LRRCC1: variants seen among roughly 807,000 people sequenced by gnomAD.
LRRCC1 encodes leucine rich repeat and coiled-coil centrosomal protein 1, also known as leucine-rich repeat and coiled-coil domain-containing protein 1.
LRRCC1 carries 115 observed loss-of-function variants against 126.0 expected under a neutral mutation model. The observed-to-expected ratio is 0.91, with a 90% CI of 0.78 to 1.07. The LOEUF (loss-of-function observed/expected upper bound fraction) is 1.07, where lower values mean the gene tolerates loss of function less well. Ranked by LOEUF, LRRCC1 falls within the 50% of genes least tolerant of loss-of-function variation. The probability of loss-of-function intolerance (pLI) is 0.00; values close to 1 mark genes in which losing one functional copy is unlikely to be tolerated. For missense variants in LRRCC1, 1,172 were observed against 1,175.7 expected (o/e 1.00, Z 0.05); for synonymous variants, 400 against 393.4 (o/e 1.02, Z -0.20).
In LRRCC1 at chr8:85,140,612, C is replaced by T. The variant is rs182939576; in HGVS notation, c.2841-770C>T. ...TTTTAGTATGAAAATTTTGTGAATACCATTTAATGTGTTTCGTCCACTAAG... is the reference window on the plus strand; with the variant it reads ...TTTTAGTATGAAAATTTTGTGAATATCATTTAATGTGTTTCGTCCACTAAG... On this transcript the variant is annotated intron_variant, in intron 17 of 18. Transcript: ENST00000360375. 7.9e-5 allele frequency among the ~76,000 whole-genome samples: 12 copies of T among 152,178 alleles called. No individual in the cohort carries two copies. The East Asian group carries it at 2.1e-3, about 27-fold the overall frequency.
rs901332802 is a variant in LRRCC1 at position 85,137,750 on chromosome 8, T to A, written c.2493+123T>A. On this transcript the variant is annotated intron_variant, in intron 15 of 18. Transcript: ENST00000360375. ...GTTGTAAAATTTGGGGTAGATATCA[T>A]GCATTTCTTTTTATAATATTTGCCC... The A allele has an allele frequency of 6.0e-6, 4 of 663,862 alleles. No individual in the cohort carries two copies. The African/African-American group carries it at 7.5e-5, about 12-fold the overall frequency. The allele number at this position is 663,862 out of a possible 1,614,324, so 41.1% of individuals were successfully genotyped here. A position where few individuals can be genotyped will look rare whatever the true frequency, so the allele number is the denominator to read the frequency against.
At chr8:85,132,188 A>G (rs145495689) in intron 12 of LRRCC1, among the ~76,000 whole-genome samples, 3 of 152,314 alleles carry the variant, frequency 2.0e-5, no homozygotes, top group African/African-American at 7.2e-5. Flanking sequence ...CTGGAATAGG[A>G]ATCTGAGAAC....
In LRRCC1 at chr8:85,138,110, C is replaced by T. The variant is rs533345115; in HGVS notation, c.2569C>T (p.Gln857Ter). 6.2e-7 allele frequency: 1 copy of T among 1,605,908 alleles called. No individual in the cohort carries two copies. Among genetic ancestry groups the T allele is most frequent in the East Asian group, 2.2e-5 (1 of 44,654 alleles). Residue 857 changes from glutamine to a stop codon, truncating the protein, a stop_gained, in exon 16 of 19, where the codon CAA becomes TAA. Coordinates refer to ENST00000360375, the MANE Select transcript of LRRCC1 (RefSeq NM_033402.5). LOFTEE classifies it high-confidence loss of function. Reference sequence around the variant, plus strand: ...AGAAATAGAAAAATGCACTCAAGAACAACTTGATGAAAAATCTTCACAACT... The same window carrying T: ...AGAAATAGAAAAATGCACTCAAGAATAACTTGATGAAAAATCTTCACAACT... Reference protein sequence around the residue: ...ITEIEKCTQEQLDEKSSQLDE... With the variant: ...ITEIEKCTQE
rs190022501 is a variant in LRRCC1 at position 85,137,496 on chromosome 8, G to A, written c.2362G>A (p.Glu788Lys). The change falls in exon 15 of 19, where the codon GAG becomes AAG. Residue 788 changes from glutamate to lysine, a missense_variant. By Grantham distance (56) the Glu-to-Lys change is moderately conservative (BLOSUM62 1). Coordinates refer to ENST00000360375, the MANE Select transcript of LRRCC1 (RefSeq NM_033402.5). ...SSLAQNRGKLEAQIESLSREN... is the reference protein window; with the variant it reads ...SSLAQNRGKLKAQIESLSREN... ...TCTAGCCCAAAATCGTGGAAAATTG[G>A]AGGCTCAAATTGAGAGTTTATCTAG... is the stretch of plus-strand genomic sequence containing the variant. 2.3e-4 allele frequency: 361 copies of A among 1,555,322 alleles called. 2 individuals carry two copies. The African/African-American group carries it at 4.4e-3, about 19-fold the overall frequency.
At chr8:85,139,033 C>G (rs186123736) in intron 17 of LRRCC1, among the ~76,000 whole-genome samples, 15 of 151,148 alleles carry the variant, frequency 9.9e-5, no homozygotes, top group Admixed American at 4.6e-4. Flanking sequence ...GCAACAAGAG[C>G]GAAACTTTGT....
In LRRCC1 at chr8:85,109,701, G is replaced by T; in HGVS notation, c.211G>T (p.Asp71Tyr). 6.2e-7 allele frequency: 1 copy of T among 1,603,122 alleles called. No homozygotes were observed. The highest frequency in any genetic ancestry group is 8.5e-7 in the Non-Finnish European group (1 of 1,170,400). The change falls in exon 2 of 19, where the codon GAT (aspartate) becomes TAT (tyrosine). Residue 71 changes from aspartate (D) to tyrosine (Y), a missense_variant. By Grantham distance (160) the Asp-to-Tyr change is radical. Coordinates refer to ENST00000360375, the MANE Select transcript of LRRCC1 (RefSeq NM_033402.5). ...IDHIWNLQHL[D>Y]LSSNQISRIE... is the part of the protein sequence containing the mutation. Reference sequence around the variant, plus strand: ...TCATATTTGGAATTTACAACATCTAGATCTGTCATCTAATCAAATAAGTAG... The same window carrying T: ...TCATATTTGGAATTTACAACATCTATATCTGTCATCTAATCAAATAAGTAG...
At chr8:85,114,986 C>T in intron 4 of LRRCC1, 114 bp from the exon 5 acceptor site, 1 of 705,532 alleles carries the variant, frequency 1.4e-6, no homozygotes, top group East Asian at 2.8e-5. Context: ...TTATTATTTG[C>T]TTTCTGGAAC....
intron 11 of LRRCC1, 89 bp from the exon 12 acceptor site, chr8:85,131,671 A>G: frequency 1.0e-6 from 1 of 967,122 alleles, no homozygotes; most frequent in East Asian, 2.6e-5. Context: ...AATACTGAAT[A>G]TAGAATATTA....
At chr8:85,141,314 TAAC>T in intron 17 of LRRCC1, 65 bp from the exon 18 acceptor site, 1 of 1,320,864 alleles carries the variant, frequency 7.6e-7, no homozygotes, top group Non-Finnish European at 1.1e-6. Context: ...CGAGAAGAAA[TAAC>T]ATCCTAATCT....
intron 18 of LRRCC1, among the ~76,000 whole-genome samples, chr8:85,144,256 T>G (rs1326355979): frequency 1.3e-5 from 2 of 151,952 alleles, no homozygotes; most frequent in East Asian, 3.9e-4. Flanking sequence ...GAACTGGTGT[T>G]TAAGCTGAAC....
At chr8:85,107,905 A>G (rs901215216) in intron 1 of LRRCC1, among the ~76,000 whole-genome samples, 3 of 152,256 alleles carry the variant, frequency 2.0e-5, no homozygotes, top group South Asian at 2.1e-4. Context: ...CCGTTACAGA[A>G]CATTGCAATA....
intron 18 of LRRCC1, among the ~76,000 whole-genome samples, chr8:85,141,894 G>C (rs1402152469): frequency 6.6e-5 from 10 of 152,048 alleles, no homozygotes; most frequent in Admixed American, 6.6e-4. Flanking sequence ...AGAGTATTAG[G>C]GTTCAAGACT....
At chr8:85,107,463 T>A (rs1808326906) in intron 1 of LRRCC1, 64 bp downstream of exon 1, 3 of 1,398,576 alleles carry the variant, frequency 2.1e-6, no homozygotes, top group Non-Finnish European at 2.9e-6. Flanking sequence ...CACGAGTGGC[T>A]GGCGGCGACA....
At chr8:85,116,259 T>G (rs1809117703) in intron 6 of LRRCC1, among the ~76,000 whole-genome samples, 2 of 152,196 alleles carry the variant, frequency 1.3e-5, no homozygotes, top group African/African-American at 4.8e-5. Flanking sequence ...CTGCAATAGA[T>G]TATTACTTTA....
intron 2 of LRRCC1, 105 bp downstream of exon 2, chr8:85,109,905 G>A: frequency 1.5e-6 from 1 of 660,142 alleles, no homozygotes; most frequent in Non-Finnish European, 2.5e-6. Flanking sequence ...TAAAAATTGA[G>A]TCTGAAACTC....
intron 9 of LRRCC1, 92 bp downstream of exon 9, chr8:85,126,929 C>G (rs1387193814): frequency 1.8e-6 from 2 of 1,088,832 alleles, no homozygotes; most frequent in East Asian, 2.4e-5. Flanking sequence ...GTGGTTCAAT[C>G]AACAACAATG....
At chr8:85,107,620 G>A (rs911043738) in intron 1 of LRRCC1, 71 of 423,510 alleles carry the variant, frequency 1.7e-4, no homozygotes, top group Non-Finnish European at 1.8e-4. Flanking sequence ...CCTGCCCAGC[G>A]TTTCACACGA....
intron 15 of LRRCC1, among the ~76,000 whole-genome samples, 191 bp downstream of exon 15, chr8:85,137,818 ATGAACT>A (rs1810978299): frequency 1.3e-5 from 2 of 152,196 alleles, no homozygotes; most frequent in Admixed American, 1.3e-4. Flanking sequence ...TTAATTTGGA[ATGAACT>A]TTATACTTCA....
At chr8:85,130,876 C>A (rs1215123237) in intron 11 of LRRCC1, among the ~76,000 whole-genome samples, 1 of 152,118 alleles carries the variant, frequency 6.6e-6, no homozygotes, top group Non-Finnish European at 1.5e-5. Context: ...TGGCTGTGTT[C>A]CAATAAAAGT....
Sources: gnomAD v4.1 joint callset for allele counts (sites outside exome capture counted in the v4.1 genomes callset) on GRCh38, gnomAD v4.1.1 for gene constraint, MANE v1.5 for transcripts, NCBI Gene and HGNC (gene_info 2026-07-23, HGNC 2026-07-21) for gene names.